GRM7: variants seen among roughly 807,000 people sequenced by gnomAD.
The protein encoded by GRM7 is glutamate metabotropic receptor 7.
In GRM7, 35 loss-of-function variants were observed where a neutral mutation model predicts 84.5. That is an observed-to-expected ratio of 0.41 (90% confidence interval 0.32 to 0.55). The LOEUF is 0.55. GRM7 is among the 20% of genes least tolerant of loss of function. The probability of loss-of-function intolerance (pLI) is 0.19; values close to 1 mark genes in which losing one functional copy is unlikely to be tolerated. For synonymous variants in GRM7, 487 were observed against 455.1 expected (o/e 1.07, Z -0.89); for missense variants, 1,003 against 1,194.6 (o/e 0.84, Z 2.36).
intron 1 of GRM7, among the ~76,000 whole-genome samples, chr3:6,974,533 C>A (rs775339620): frequency 6.6e-6 from 1 of 151,976 alleles, no homozygotes; most frequent in Non-Finnish European, 1.5e-5. Flanking sequence ...CTGTAGAATG[C>A]GAGGGTATCA....
chr3:7,204,032 C>T (rs1696152315), intron 2 of GRM7, among the ~76,000 whole-genome samples: 1 of 152,102 alleles, frequency 6.6e-6, no homozygotes, highest in South Asian at 2.1e-4. Flanking sequence ...GGAAACATTT[C>T]AAATATCATT....
chr3:6,899,634 T>C (rs923228722), intron 1 of GRM7, among the ~76,000 whole-genome samples: 42 of 152,266 alleles, frequency 2.8e-4, no homozygotes, highest in African/African-American at 9.4e-4. Flanking sequence ...AATAGGTCCA[T>C]GAGAAATGTT....
intron 7 of GRM7, among the ~76,000 whole-genome samples, chr3:7,517,434 C>G (rs1700434821): frequency 6.6e-6 from 1 of 151,918 alleles, no homozygotes; most frequent in Non-Finnish European, 1.5e-5. Flanking sequence ...GCTCTGTCAC[C>G]CCAGCTGGAG....
intron 7 of GRM7, among the ~76,000 whole-genome samples, chr3:7,465,757 T>G (rs1449421128): frequency 6.6e-6 from 1 of 152,166 alleles, no homozygotes; most frequent in Non-Finnish European, 1.5e-5. Context: ...GAGGGCGGCT[T>G]TCTCTGTGGT....
At chr3:7,159,284 CA>C (rs1694549151) in intron 2 of GRM7, among the ~76,000 whole-genome samples, 1 of 152,110 alleles carries the variant, frequency 6.6e-6, no homozygotes, top group Admixed American at 6.6e-5. Flanking sequence ...CACGAAGATT[CA>C]GGTGAAATAT....
At chr3:7,583,898 C>T (rs961333331) in intron 8 of GRM7, among the ~76,000 whole-genome samples, 4 of 152,168 alleles carry the variant, frequency 2.6e-5, no homozygotes, top group Non-Finnish European at 5.9e-5. Flanking sequence ...AGAGATAAAA[C>T]AGTGTTCTTT....
chr3:6,913,369 A>G (rs931257406), intron 1 of GRM7, among the ~76,000 whole-genome samples: 1 of 152,272 alleles, frequency 6.6e-6, no homozygotes, highest in East Asian at 1.9e-4. Flanking sequence ...GCATTCATCA[A>G]TGAGTAATCA....
intron 7 of GRM7, among the ~76,000 whole-genome samples, chr3:7,498,507 G>T (rs890431778): frequency 6.6e-6 from 1 of 152,178 alleles, no homozygotes; most frequent in Non-Finnish European, 1.5e-5. Flanking sequence ...TAATAATTAG[G>T]AGTGTGAGCT....
intron 8 of GRM7, among the ~76,000 whole-genome samples, chr3:7,608,701 A>C (rs1484849213): frequency 3.9e-5 from 6 of 152,078 alleles, no homozygotes; most frequent in South Asian, 2.1e-4. Flanking sequence ...TTTGCTGTGT[A>C]GAAGCTTTTC....
intron 1 of GRM7, among the ~76,000 whole-genome samples, chr3:6,968,101 G>A (rs896485566): frequency 6.6e-6 from 1 of 152,150 alleles, no homozygotes. Context: ...ACAAATATCT[G>A]GAGGCCAGAA....
chr3:7,490,766 TATG>T (rs1699489805), intron 7 of GRM7, among the ~76,000 whole-genome samples: 1 of 152,284 alleles, frequency 6.6e-6, no homozygotes, highest in East Asian at 1.9e-4. Context: ...TTGCTACAGA[TATG>T]ATAAGACTCA....
chr3:7,074,459 C>G (rs1697992867), intron 1 of GRM7, among the ~76,000 whole-genome samples: 1 of 152,122 alleles, frequency 6.6e-6, no homozygotes, highest in Non-Finnish European at 1.5e-5. Context: ...AAAGTGTGGT[C>G]CATGAATTTC....
At position 7,686,467 on chromosome 3, in the gene GRM7, T is replaced by C. The variant is rs757405176; in HGVS notation, c.2698+6172T>C. The C allele has an allele frequency of 1.5e-5, 16 of 1,078,198 alleles. No individual in the cohort carries two copies. In the East Asian group the frequency reaches 3.8e-4, roughly 25 times the overall value. The allele number at this position is 1,078,198 out of a possible 1,614,324, so 66.8% of individuals were successfully genotyped here. On this transcript the variant is annotated intron_variant, in intron 9 of 9. Transcript: ENST00000357716. ...CCCAAAGGTAAGAAAACAATCTAAT[T>C]CTTATTTATTTATGTGTTCTTGTCT...
chr3:7,064,331 G>A (rs1697547319), intron 1 of GRM7, among the ~76,000 whole-genome samples: 1 of 150,430 alleles, frequency 6.6e-6, no homozygotes. Flanking sequence ...GAGAACATAT[G>A]ACATTTGGTT....
chr3:7,327,279 A>T (rs975675493), intron 4 of GRM7, among the ~76,000 whole-genome samples: 12 of 152,268 alleles, frequency 7.9e-5, no homozygotes, highest in Middle Eastern at 3.4e-3. Flanking sequence ...GAATTTCTTT[A>T]TTGCCAGATC....
At chr3:6,998,946 A>G (rs569881871) in intron 1 of GRM7, among the ~76,000 whole-genome samples, 24 of 152,310 alleles carry the variant, frequency 1.6e-4, no homozygotes, top group Middle Eastern at 6.8e-3. Flanking sequence ...TGCCCTAGAG[A>G]CATTCTCCTC....
intron 7 of GRM7, among the ~76,000 whole-genome samples, chr3:7,507,827 T>A (rs1700082796): frequency 6.6e-6 from 1 of 152,198 alleles, no homozygotes; most frequent in South Asian, 2.1e-4. Flanking sequence ...CAAGACAGAA[T>A]GCTTACATAT....
intron 2 of GRM7, among the ~76,000 whole-genome samples, chr3:7,153,133 A>AT (rs34465661): frequency 0.53 from 54,776 of 103,312 alleles, 15,246 homozygotes; most frequent in Middle Eastern, 0.66. Context: ...GGTACTGTGG[A>AT]TTTTTTTTTT....
At chr3:7,669,775 C>T (rs1699847617) in intron 8 of GRM7, among the ~76,000 whole-genome samples, 1 of 152,156 alleles carries the variant, frequency 6.6e-6, no homozygotes, top group Non-Finnish European at 1.5e-5. Flanking sequence ...TCATAAACTG[C>T]TCAGCTCCTA....
Sources: allele counts gnomAD v4.1 joint callset (sites outside exome capture counted in the v4.1 genomes callset), GRCh38; gene constraint gnomAD v4.1.1; transcripts MANE v1.5; gene names NCBI Gene and HGNC (gene_info 2026-07-23, HGNC 2026-07-21).